The following ERBB4 variants were observed in gnomAD, a reference collection of about 807,000 sequenced individuals.
ERBB4 encodes the protein receptor tyrosine-protein kinase erbB-4.
ERBB4 carries 42 observed loss-of-function variants against 158.0 expected under a neutral mutation model. That is an observed-to-expected ratio of 0.27 (90% CI 0.21 to 0.34). The LOEUF is 0.34. Among genes scored for constraint, ERBB4 ranks in the 10% least tolerant of loss-of-function variants. The probability of loss-of-function intolerance (pLI) is 1.00; values close to 1 mark genes in which losing one functional copy is unlikely to be tolerated. For missense variants in ERBB4, 1,333 were observed against 1,624.1 expected, an observed-to-expected ratio of 0.82 and a Z score of 3.08; for synonymous variants, 583 against 558.7, an observed-to-expected ratio of 1.04 and a Z score of -0.61.
At position 212,286,600 on chromosome 2, in the gene ERBB4, T is replaced by TTTTTTTTGTTTTG. The variant is rs1285718598; in HGVS notation, c.83-161698_83-161697insCAAAACAAAAAAA. ...ATGATTACATAAGTGCTGACTTTTT[T>TTTTTTTTGTTTTG]TTTTTTTTTTTTTTTTTTTTGACAC... On this transcript the variant is annotated intron_variant, in intron 1 of 27. Transcript: ENST00000342788. 3.8e-3 allele frequency among the ~76,000 whole-genome samples: 297 copies of TTTTTTTTGTTTTG among 79,188 alleles called. 31 individuals carry two copies. The highest frequency in any genetic ancestry group is 0.011 in the Middle Eastern group (2 of 180). The allele number at this position is 79,188 out of a possible 152,430, so 52.0% of individuals were successfully genotyped here. A position where few individuals can be genotyped will look rare whatever the true frequency, so the allele number is the denominator to read the frequency against.
intron 27 of ERBB4, among the ~76,000 whole-genome samples, chr2:211,385,881 C>G (rs184803209): frequency 6.6e-6 from 1 of 152,106 alleles, no homozygotes; most frequent in Non-Finnish European, 1.5e-5. Flanking sequence ...ACATTTGTGT[C>G]ATTACTAGGC....
At chr2:211,503,805 C>A (rs1340341359) in intron 20 of ERBB4, among the ~76,000 whole-genome samples, 1 of 152,064 alleles carries the variant, frequency 6.6e-6, no homozygotes, top group African/African-American at 2.4e-5. Context: ...GTGCTTCCTC[C>A]TCTGCCTGGA....
chr2:211,980,751 T>C (rs754032498), intron 2 of ERBB4, among the ~76,000 whole-genome samples: 1 of 152,170 alleles, frequency 6.6e-6, no homozygotes, highest in Non-Finnish European at 1.5e-5. Context: ...GAAAATGTTA[T>C]GCAGATTTTG....
At chr2:211,701,919 GA>G in intron 12 of ERBB4, 47 bp downstream of exon 12, 5 of 1,422,722 alleles carry the variant, frequency 3.5e-6, no homozygotes, top group Non-Finnish European at 4.0e-6. Flanking sequence ...AGAAGAATGG[GA>G]AAAAATTTAA....
intron 19 of ERBB4, among the ~76,000 whole-genome samples, chr2:211,617,077 C>A (rs2069419000): frequency 6.6e-6 from 1 of 151,986 alleles, no homozygotes; most frequent in African/African-American, 2.4e-5. Context: ...TTCAAATAAT[C>A]ATTCAAAATC....
At chr2:212,123,960 T>C (rs1299449177) in intron 2 of ERBB4, among the ~76,000 whole-genome samples, 1 of 152,182 alleles carries the variant, frequency 6.6e-6, no homozygotes, top group Non-Finnish European at 1.5e-5. Context: ...AAAATGTATA[T>C]TAGTAATTCT....
At chr2:212,475,862 C>A (rs1031056728) in intron 1 of ERBB4, among the ~76,000 whole-genome samples, 1 of 151,994 alleles carries the variant, frequency 6.6e-6, no homozygotes, top group African/African-American at 2.4e-5. Context: ...CCACTTCTCC[C>A]TAGTCCCTTC....
intron 25 of ERBB4, among the ~76,000 whole-genome samples, chr2:211,408,281 T>C (rs894558665): frequency 5.3e-5 from 8 of 152,194 alleles, no homozygotes; most frequent in African/African-American, 1.9e-4. Context: ...GAGCTGCGAA[T>C]CTTGTAGCAG....
chr2:211,936,473 A>C (rs890936543), intron 3 of ERBB4, among the ~76,000 whole-genome samples: 8 of 152,116 alleles, frequency 5.3e-5, no homozygotes, highest in African/African-American at 1.7e-4. Flanking sequence ...TATAGTCATT[A>C]TGATTCGATA....
intron 1 of ERBB4, among the ~76,000 whole-genome samples, chr2:212,411,423 A>T (rs1235311040): frequency 6.6e-6 from 1 of 152,222 alleles, no homozygotes; most frequent in Non-Finnish European, 1.5e-5. Context: ...TAAGGAGACT[A>T]CATCAAAATA....
chr2:212,177,409 T>C (rs1268338916), intron 1 of ERBB4, among the ~76,000 whole-genome samples: 5 of 151,954 alleles, frequency 3.3e-5, no homozygotes, highest in Non-Finnish European at 4.4e-5. Flanking sequence ...AATTTAGATC[T>C]GCCTAGCAAA....
intron 2 of ERBB4, among the ~76,000 whole-genome samples, chr2:211,986,148 C>T (rs1243940147): frequency 6.6e-6 from 1 of 152,156 alleles, no homozygotes; most frequent in Non-Finnish European, 1.5e-5. Flanking sequence ...CCAGCAATCA[C>T]AGAAGTCAGG....
At chr2:211,451,764 A>G (rs2064252447) in intron 20 of ERBB4, among the ~76,000 whole-genome samples, 1 of 152,186 alleles carries the variant, frequency 6.6e-6, no homozygotes, top group Non-Finnish European at 1.5e-5. Context: ...AGGCTAACAT[A>G]AAGAACAAGT....
At chr2:212,167,167 G>A (rs559375867) in intron 1 of ERBB4, among the ~76,000 whole-genome samples, 35 of 152,152 alleles carry the variant, frequency 2.3e-4, no homozygotes, top group Non-Finnish European at 4.6e-4. Context: ...CCTACAGAAT[G>A]AGAGAAAATT....
intron 20 of ERBB4, among the ~76,000 whole-genome samples, chr2:211,453,966 A>G (rs1269269405): frequency 6.6e-6 from 1 of 152,220 alleles, no homozygotes; most frequent in Non-Finnish European, 1.5e-5. Context: ...ATAAATGGAG[A>G]AAGTCCAATG....
intron 3 of ERBB4, among the ~76,000 whole-genome samples, chr2:211,870,840 G>C (rs1018709702): frequency 9.2e-5 from 14 of 152,000 alleles, no homozygotes; most frequent in Non-Finnish European, 5.9e-5. Context: ...AAAGACTTTT[G>C]GGTTTTGATC....
intron 1 of ERBB4, among the ~76,000 whole-genome samples, chr2:212,373,977 TATATATATCC>T (rs1195531316): frequency 1.5e-5 from 2 of 136,836 alleles, no homozygotes; most frequent in African/African-American, 2.6e-5. Flanking sequence ...TATATCCATA[TATATATATCC>T]ATATATATCC....
At chr2:211,857,177 T>TGTGTGTG (rs550969154) in intron 3 of ERBB4, among the ~76,000 whole-genome samples, 3 of 146,978 alleles carry the variant, frequency 2.0e-5, no homozygotes, top group Non-Finnish European at 4.5e-5. Flanking sequence ...GTGTGTGTGT[T>TGTGTGTG]TGTGTGTCTT....
intron 4 of ERBB4, among the ~76,000 whole-genome samples, chr2:211,782,167 T>C (rs2076052999): frequency 6.6e-6 from 1 of 151,894 alleles, no homozygotes; most frequent in Non-Finnish European, 1.5e-5. Context: ...CCCACCCCTC[T>C]CTCCTTCAAG....
Sources: gnomAD v4.1 joint callset for allele counts (sites outside exome capture counted in the v4.1 genomes callset) on GRCh38, gnomAD v4.1.1 for gene constraint, MANE v1.5 for transcripts, NCBI Gene and HGNC (gene_info 2026-07-23, HGNC 2026-07-21) for gene names.